RUNX2: variants seen among roughly 807,000 people sequenced by gnomAD.
The protein encoded by RUNX2 is RUNX family transcription factor 2.
In RUNX2, 10 loss-of-function variants were observed where a neutral mutation model predicts 51.7. The observed-to-expected ratio is 0.19, with a 90% confidence interval of 0.12 to 0.33. RUNX2 has a LOEUF of 0.33. Ranked by LOEUF, RUNX2 falls within the 10% of genes least tolerant of loss-of-function variation. RUNX2 has a pLI of 1.00. For missense variants in RUNX2, 562 were observed against 691.3 expected, an observed-to-expected ratio of 0.81 and a Z score of 2.10; for synonymous variants, 276 against 273.6, an observed-to-expected ratio of 1.01 and a Z score of -0.09.
chr6:45,510,212 A>G (rs1801100338), intron 6 of RUNX2, among the ~76,000 whole-genome samples: 1 of 152,230 alleles, frequency 6.6e-6, no homozygotes, highest in Non-Finnish European at 1.5e-5. Flanking sequence ...ATTTTAAGGC[A>G]CAGAAGCCCG....
chr6:45,352,962 G>A (rs1162243032), intron 2 of RUNX2, among the ~76,000 whole-genome samples: 2 of 152,034 alleles, frequency 1.3e-5, no homozygotes. Context: ...TAGTTTGGCT[G>A]ATTTTTACAT....
chr6:45,546,381 G>A (rs1197643505), intron 8 of RUNX2, among the ~76,000 whole-genome samples: 1 of 152,116 alleles, frequency 6.6e-6, no homozygotes, highest in Non-Finnish European at 1.5e-5. Context: ...GTAAATAACA[G>A]TAAGACATTA....
chr6:45,413,566 G>A (rs986889065), intron 2 of RUNX2, among the ~76,000 whole-genome samples: 1 of 150,016 alleles, frequency 6.7e-6, no homozygotes, highest in Non-Finnish European at 1.5e-5. Flanking sequence ...GAGTAGCTGG[G>A]ATTACAGGTA....
rs1375308367 is a variant in RUNX2 at position 45,514,684 on chromosome 6, CG to C, written c.1021+2281del. Among the ~76,000 whole-genome samples, 3 of 152,268 alleles carry C rather than the reference CG, an allele frequency of 2.0e-5. No individual in the cohort carries two copies. In the East Asian group the frequency reaches 5.8e-4, roughly 29 times the overall value. On this transcript the variant is annotated intron_variant, in intron 7 of 8. Transcript: ENST00000647337. Reference sequence around the variant, plus strand: ...ACTCACCTGACCTTGCCCTGGGCTGCGGGGCTGTGCCTGCACACCCAAGCAC... The same window carrying C: ...ACTCACCTGACCTTGCCCTGGGCTGCGGGCTGTGCCTGCACACCCAAGCAC...
intron 2 of RUNX2, among the ~76,000 whole-genome samples, chr6:45,367,513 C>T (rs1409128468): frequency 1.3e-5 from 2 of 151,938 alleles, no homozygotes; most frequent in Non-Finnish European, 2.9e-5. Flanking sequence ...AAAGGACTTC[C>T]CTAAATAGTC....
At chr6:45,440,966 C>A (rs1469640808) in intron 5 of RUNX2, among the ~76,000 whole-genome samples, 2 of 152,052 alleles carry the variant, frequency 1.3e-5, no homozygotes, top group Non-Finnish European at 2.9e-5. Context: ...AATTGGTGGG[C>A]CAAGTTGTAG....
intron 5 of RUNX2, among the ~76,000 whole-genome samples, chr6:45,484,078 A>G (rs1271845737): frequency 6.6e-6 from 1 of 152,170 alleles, no homozygotes; most frequent in Non-Finnish European, 1.5e-5. Context: ...TATGGAAACT[A>G]ACTCTTCATT....
At chr6:45,377,680 A>G (rs1233187322) in intron 2 of RUNX2, 1 of 152,170 alleles carries the variant, frequency 6.6e-6, no homozygotes, top group East Asian at 1.9e-4. Context: ...GGGCCCAGCG[A>G]CGCTGGGATC....
intron 7 of RUNX2, among the ~76,000 whole-genome samples, chr6:45,519,810 G>A (rs1283648280): frequency 1.1e-3 from 164 of 144,696 alleles, no homozygotes; most frequent in African/African-American, 3.7e-3. Context: ...GTGTGTGTGT[G>A]TGTGTGTGTG....
At chr6:45,429,659 G>C (rs975881777) in intron 3 of RUNX2, among the ~76,000 whole-genome samples, 1 of 152,232 alleles carries the variant, frequency 6.6e-6, no homozygotes, top group Admixed American at 6.5e-5. Flanking sequence ...CAGAAAACAA[G>C]CTGGGGGCAA....
At chr6:45,542,384 T>C (rs1409438988) in intron 7 of RUNX2, among the ~76,000 whole-genome samples, 4 of 152,232 alleles carry the variant, frequency 2.6e-5, no homozygotes, top group African/African-American at 9.6e-5. Flanking sequence ...GCTGTTACTA[T>C]TTTAATGAGC....
At chr6:45,385,045 A>T (rs187676470) in intron 2 of RUNX2, among the ~76,000 whole-genome samples, 1 of 152,176 alleles carries the variant, frequency 6.6e-6, no homozygotes, top group Non-Finnish European at 1.5e-5. Flanking sequence ...TTTGACAATT[A>T]TTCTTTTAAC....
At chr6:45,541,917 G>A (rs1000807756) in intron 7 of RUNX2, among the ~76,000 whole-genome samples, 1 of 152,158 alleles carries the variant, frequency 6.6e-6, no homozygotes, top group Non-Finnish European at 1.5e-5. Context: ...TTTATTGGGG[G>A]CCTAGTCAAT....
At chr6:45,341,365 A>G (rs12110325) in intron 2 of RUNX2, among the ~76,000 whole-genome samples, 176 of 152,320 alleles carry the variant, frequency 1.2e-3, no homozygotes, top group African/African-American at 4.0e-3. Context: ...CTGTTTGGGG[A>G]TCTATGAATC....
intron 7 of RUNX2, 63 bp downstream of exon 7, chr6:45,512,470 C>T (rs1801189411): frequency 1.3e-6 from 2 of 1,551,424 alleles, no homozygotes; most frequent in Non-Finnish European, 1.8e-6. Flanking sequence ...GTGGGATGGG[C>T]TGAGCCTGTC....
chr6:45,484,370 G>A (rs1236304712), intron 5 of RUNX2, among the ~76,000 whole-genome samples: 1 of 152,176 alleles, frequency 6.6e-6, no homozygotes, highest in Non-Finnish European at 1.5e-5. Flanking sequence ...GGGATGGTTT[G>A]AGGAGGAAGG....
intron 7 of RUNX2, among the ~76,000 whole-genome samples, chr6:45,524,913 C>T (rs900409107): frequency 3.3e-5 from 5 of 152,102 alleles, no homozygotes; most frequent in Admixed American, 2.0e-4. Flanking sequence ...GAGATTGAGA[C>T]CATTCTGGCC....
intron 5 of RUNX2, among the ~76,000 whole-genome samples, chr6:45,440,482 G>C (rs1342973876): frequency 6.6e-6 from 1 of 152,164 alleles, no homozygotes; most frequent in African/African-American, 2.4e-5. Context: ...GTGCCAGATA[G>C]CAAATCCTTT....
intron 3 of RUNX2, among the ~76,000 whole-genome samples, chr6:45,427,649 T>C (rs996822829): frequency 3.9e-5 from 6 of 152,172 alleles, no homozygotes; most frequent in African/African-American, 1.4e-4. Flanking sequence ...TATATTTCAA[T>C]TATACCGCAA....
Sources: allele counts gnomAD v4.1 joint callset (sites outside exome capture counted in the v4.1 genomes callset), GRCh38; gene constraint gnomAD v4.1.1; transcripts MANE v1.5; gene names NCBI Gene and HGNC (gene_info 2026-07-23, HGNC 2026-07-21).